The following BDP1 variants were observed in gnomAD, a reference collection of about 807,000 sequenced individuals.
The protein encoded by BDP1 is transcription factor TFIIIB component B'' homolog.
Under a neutral mutation model 266.6 loss-of-function variants are expected in BDP1, and 169 were observed. The ratio of observed to expected loss-of-function variants is 0.63; its 90% CI spans 0.56 to 0.72. The LOEUF is 0.72. Ranked by LOEUF, BDP1 falls within the 30% of genes least tolerant of loss-of-function variation. The probability of loss-of-function intolerance (pLI) is 0.00; values close to 1 mark genes in which losing one functional copy is unlikely to be tolerated. For missense variants in BDP1, 3,015 were observed against 3,053.8 expected (o/e 0.99, Z 0.30); for synonymous variants, 1,090 against 1,022.4 (o/e 1.07, Z -1.26).
At chr5:71,532,902 A>G (rs1366123873) in intron 26 of BDP1, among the ~76,000 whole-genome samples, 1 of 152,212 alleles carries the variant, frequency 6.6e-6, no homozygotes, top group Non-Finnish European at 1.5e-5. Context: ...CATCACCTCA[A>G]AAAGAAACCT....
chr5:71,560,566 G>A (rs954959368), intron 37 of BDP1, among the ~76,000 whole-genome samples: 3 of 152,162 alleles, frequency 2.0e-5, no homozygotes, highest in Non-Finnish European at 2.9e-5. Flanking sequence ...TATGGATGCT[G>A]ACATCAGAAG....
At position 71,523,931 on chromosome 5, in the gene BDP1, A is replaced by C; in HGVS notation, c.5388-8A>C. 6.3e-7 allele frequency: 1 copy of C among 1,598,142 alleles called. No individual in the cohort carries two copies. The highest frequency in any genetic ancestry group is 8.5e-7 in the Non-Finnish European group (1 of 1,172,288). On this transcript the variant is annotated splice_polypyrimidine_tract_variant and splice_region_variant and intron_variant, in intron 24 of 38. Transcript: ENST00000358731. ...ATGACCTTATTGTTGTTTTGATTAA[A>C]TATCTAGCTGTCCACAACCGTTAAA...
rs535382965 is a variant in BDP1 at position 71,539,740 on chromosome 5, C to T, written c.6022+91C>T. On this transcript the variant is annotated intron_variant, in intron 28 of 38. Coordinates refer to ENST00000358731, the MANE Select transcript of BDP1 (RefSeq NM_018429.3). ...CCACATTTGAGTAATAACCCTTTTA[C>T]CTTTGAAGTTGTCTCCATTTTGTTG... is the stretch of plus-strand genomic sequence containing the variant. The T allele has an allele frequency of 1.8e-5, 14 of 769,400 alleles. No homozygotes were observed. In the South Asian group the frequency reaches 2.3e-4, roughly 13 times the overall value. The allele number at this position is 769,400 out of a possible 1,614,324, so 47.7% of individuals were successfully genotyped here.
intron 38 of BDP1, chr5:71,562,765 T>G: frequency 2.1e-6 from 3 of 1,396,346 alleles, no homozygotes; most frequent in Non-Finnish European, 2.8e-6. Context: ...TAGCCATTCC[T>G]TTAATCTAGA....
Position 71,513,165 on chromosome 5 carries a change from G to A in BDP1, c.4248-20G>A. 1 of 1,588,534 alleles carries A rather than the reference G, an allele frequency of 6.3e-7. No homozygotes were observed. The highest frequency in any genetic ancestry group is 8.6e-7 in the Non-Finnish European group (1 of 1,162,114). On this transcript the variant is annotated intron_variant, in intron 18 of 38. Coordinates refer to ENST00000358731, the MANE Select transcript of BDP1 (RefSeq NM_018429.3). ...GCCCCTTCAGTTCATTCTAAAGCTT[G>A]ATAATCCTTGTTCCAAAAGCAAATC... is the stretch of plus-strand genomic sequence containing the variant.
chr5:71,521,017 C>T (rs1765464335), intron 22 of BDP1, among the ~76,000 whole-genome samples: 1 of 151,622 alleles, frequency 6.6e-6, no homozygotes, highest in African/African-American at 2.4e-5. Flanking sequence ...AGAGAAACCC[C>T]ATCTCTACTA....
At chr5:71,523,554 T>G (rs1029071928) in intron 24 of BDP1, among the ~76,000 whole-genome samples, 1 of 152,186 alleles carries the variant, frequency 6.6e-6, no homozygotes, top group Non-Finnish European at 1.5e-5. Context: ...CCTCAAGTGA[T>G]CTGCCTGCCT....
At position 71,478,140 on chromosome 5, in the gene BDP1, C is replaced by T. The variant is rs948048784; in HGVS notation, c.1015-5702C>T. Among the ~76,000 whole-genome samples, 8 of 152,090 alleles carry T rather than the reference C, an allele frequency of 5.3e-5. No individual in the cohort carries two copies. In the South Asian group the frequency reaches 8.3e-4, roughly 16 times the overall value. On this transcript the variant is annotated intron_variant, in intron 7 of 38. Transcript: ENST00000358731. ...TGGCACATGCCTGTAATCCCAGCTACTCGGGAGGCTGAGGCAGGAGAGTCG... is the reference window on the plus strand; with the variant it reads ...TGGCACATGCCTGTAATCCCAGCTATTCGGGAGGCTGAGGCAGGAGAGTCG...
intron 37 of BDP1, among the ~76,000 whole-genome samples, chr5:71,560,579 G>T (rs1387495147): frequency 2.0e-5 from 3 of 152,178 alleles, no homozygotes; most frequent in African/African-American, 7.2e-5. Flanking sequence ...ATCAGAAGTT[G>T]TTTTACTGAA....
chr5:71,509,607 G>A lies in BDP1; in HGVS notation c.2515G>A (p.Val839Ile), dbSNP rs1017789739. 1.4e-5 allele frequency: 23 copies of A among 1,613,782 alleles called. No individual in the cohort carries two copies. The highest frequency in any genetic ancestry group is 1.6e-4 in the Middle Eastern group (1 of 6,082). Reference protein sequence around the residue: ...SKEEVLEKILVSGEMAAALRE... With the variant: ...SKEEVLEKILISGEMAAALRE... ...GGAAGAGGTACTAGAGAAGATTCTT[G>A]TCTCTGGGGAAATGGCGGCAGCATT... Residue 839 changes from valine to isoleucine, a missense_variant, in exon 17 of 39, where the codon GTC becomes ATC. Around this residue, in one of 3 missense-constraint regions of BDP1, gnomAD observed 2,383 missense variants for 2,404.9 expected, o/e 0.99. Coordinates refer to ENST00000358731, the MANE Select transcript of BDP1 (RefSeq NM_018429.3).
intron 18 of BDP1, 101 bp downstream of exon 18, chr5:71,512,529 A>C (rs1370601233): frequency 2.7e-6 from 2 of 741,772 alleles, no homozygotes; most frequent in East Asian, 5.8e-5. Flanking sequence ...ATAGTGTTAG[A>C]GCTTTTAAGA....
rs1240370442 is a variant in BDP1, at chr5:71,510,003, C to A, written c.2911C>A (p.Pro971Thr). 5 of 1,613,696 alleles carry A rather than the reference C, an allele frequency of 3.1e-6. No individual in the cohort carries two copies. The highest frequency in any genetic ancestry group is 4.2e-6 in the Non-Finnish European group (5 of 1,179,926). ...GNESSPREKT[P>T]EVTDATEEID... ...TGAGAGTTCCCCAAGGGAGAAGACA[C>A]CAGAGGTGACTGATGCCACTGAGGA... The change falls in exon 17 of 39, where the codon CCA becomes ACA. Residue 971 changes from proline to threonine, a missense_variant. Pro to Thr is a conservative substitution (Grantham distance 38). This residue lies in a region of BDP1 where 2,383 missense variants were observed against 2,404.9 expected (regional missense o/e 0.99). Coordinates refer to ENST00000358731, the MANE Select transcript of BDP1 (RefSeq NM_018429.3).
intron 22 of BDP1, among the ~76,000 whole-genome samples, chr5:71,521,187 C>CA (rs113805483): frequency 0.052 from 3,547 of 68,418 alleles, 137 homozygotes; most frequent in African/African-American, 0.14. Context: ...AACTCCGTCT[C>CA]AAAAAAAAAA....
intron 34 of BDP1, among the ~76,000 whole-genome samples, chr5:71,551,157 C>A (rs557586398): frequency 6.6e-6 from 1 of 151,458 alleles, no homozygotes; most frequent in Admixed American, 6.6e-5. Context: ...GTGTTTCTCG[C>A]AGAGGGGGAT....
intron 22 of BDP1, among the ~76,000 whole-genome samples, chr5:71,521,359 T>G (rs1052587282): frequency 1.4e-5 from 2 of 147,794 alleles, no homozygotes; most frequent in African/African-American, 5.0e-5. Flanking sequence ...GTGGTGCAAC[T>G]TCGCCTCACT....
At chr5:71,573,705 C>T in the BDP1 span, among the ~76,000 whole-genome samples, 1 of 152,084 alleles carries the variant, frequency 6.6e-6, no homozygotes, top group African/African-American at 2.4e-5. Flanking sequence ...GTTGCTGGAC[C>T]CGGAGACATT....
chr5:71,461,165 T>C (rs1198934495), intron 2 of BDP1, among the ~76,000 whole-genome samples: 1 of 152,046 alleles, frequency 6.6e-6, no homozygotes, highest in Admixed American at 6.6e-5. Flanking sequence ...TATTTTTTTG[T>C]AGAGATAGGG....
intron 21 of BDP1, among the ~76,000 whole-genome samples, chr5:71,516,538 C>T (rs1765232144): frequency 6.6e-6 from 1 of 152,084 alleles, no homozygotes; most frequent in South Asian, 2.1e-4. Flanking sequence ...TCTGAGATAA[C>T]CACTGAAAAC....
chr5:71,495,116 A>T (rs934789011), intron 11 of BDP1, 134 bp from the exon 12 acceptor site: 1 of 458,142 alleles, frequency 2.2e-6, no homozygotes, highest in African/African-American at 2.0e-5. Context: ...CTAATGTAGC[A>T]GTTTGTATTA....
Sources: allele counts gnomAD v4.1 joint callset (sites outside exome capture counted in the v4.1 genomes callset), GRCh38; gene constraint gnomAD v4.1.1; regional missense constraint gnomAD v4.1.1; transcripts MANE v1.5; gene names NCBI Gene and HGNC (gene_info 2026-07-23, HGNC 2026-07-21).